Variants in FAM13A observed in about 807,000 individuals in gnomAD.
FAM13A encodes the protein family with sequence similarity 13 member A.
A neutral mutation model predicts 129.6 loss-of-function variants in FAM13A; 76 were observed. The observed-to-expected ratio is 0.59, with a 90% CI of 0.49 to 0.71. The LOEUF is 0.71. FAM13A is among the 30% of genes least tolerant of loss of function. The pLI is 0.00. For missense variants in FAM13A, 1,108 were observed against 1,249.3 expected (o/e 0.89, Z 1.70); for synonymous variants, 443 against 449.9 (o/e 0.98, Z 0.20).
chr4:88,977,312 T>C (rs887159583), intron 4 of FAM13A, among the ~76,000 whole-genome samples: 3 of 152,126 alleles, frequency 2.0e-5, no homozygotes, highest in African/African-American at 7.2e-5. Flanking sequence ...AGGTAGCACA[T>C]ACAGAGTGGA....
rs1163460351 is a variant in FAM13A, at chr4:88,749,758, A to AG, written c.2079+12dup. 1.9e-6 allele frequency: 3 copies of AG among 1,613,492 alleles called. No individual in the cohort carries two copies. Among genetic ancestry groups the AG allele is most frequent in the African/African-American group, 1.3e-5 (1 of 74,934 alleles). ...AGGATGAGGCGAAAAGAACAGTGTG[A>AG]GGGGACACTTACTCTGTACTTCTTC... On this transcript the variant is annotated intron_variant, in intron 16 of 23. Transcript: ENST00000264344.
chr4:89,027,227 AGCC>A (rs1768082575), intron 2 of FAM13A, among the ~76,000 whole-genome samples: 2 of 152,244 alleles, frequency 1.3e-5, no homozygotes. Context: ...AACAGAATAG[AGCC>A]AGGTGCAATG....
intron 14 of FAM13A, among the ~76,000 whole-genome samples, chr4:88,756,531 AAG>A (rs1491046683): frequency 1.3e-5 from 2 of 152,166 alleles, no homozygotes; most frequent in Admixed American, 6.5e-5. Context: ...CAAACCAAAA[AAG>A]AGGGGATGGT....
intron 5 of FAM13A, among the ~76,000 whole-genome samples, chr4:88,919,897 T>A (rs1750738361): frequency 6.6e-6 from 1 of 152,226 alleles, no homozygotes; most frequent in African/African-American, 2.4e-5. Context: ...GGAGATTATA[T>A]CGCGCACATG....
chr4:88,859,116 T>C (rs1739050699), intron 6 of FAM13A, among the ~76,000 whole-genome samples: 1 of 152,214 alleles, frequency 6.6e-6, no homozygotes, highest in Non-Finnish European at 1.5e-5. Flanking sequence ...GGAGAGCTTG[T>C]ATAATTCTTT....
At position 88,750,566 on chromosome 4, in the gene FAM13A, C is replaced by G. The variant is rs1311239522; in HGVS notation, c.1798G>C (p.Ala600Pro). Reference protein sequence around the residue: ...DSDEAHLSPQAGRLIRQLLDE... With the variant: ...DSDEAHLSPQPGRLIRQLLDE... ...AGCAGCTGACGGATCAGGCGCCCAG[C>G]CTGCGGCGAGAGGTGGGCTTCATCA... The change falls in exon 15 of 24, where the codon GCT becomes CCT. Residue 600 changes from alanine (A) to proline (P), a missense_variant. Ala to Pro is a conservative substitution (Grantham distance 27). Coordinates refer to ENST00000264344, the MANE Select transcript of FAM13A (RefSeq NM_014883.4). The G allele has an allele frequency of 6.2e-7, 1 of 1,614,040 alleles. No individual in the cohort carries two copies. Among genetic ancestry groups the G allele is most frequent in the African/African-American group, 1.3e-5 (1 of 74,930 alleles).
chr4:88,915,388 TA>T (rs2148688263), intron 5 of FAM13A, among the ~76,000 whole-genome samples: 1 of 152,324 alleles, frequency 6.6e-6, no homozygotes, highest in South Asian at 2.1e-4. Context: ...AAAAACTCTG[TA>T]ATTTTCTGGC....
intron 3 of FAM13A, among the ~76,000 whole-genome samples, chr4:89,013,455 C>T (rs960529460): frequency 4.0e-5 from 6 of 151,408 alleles, no homozygotes; most frequent in Admixed American, 4.0e-4. Context: ...TACATTATTC[C>T]CTCTATTTGG....
intron 9 of FAM13A, among the ~76,000 whole-genome samples, chr4:88,789,464 C>G (rs1255080962): frequency 6.6e-6 from 1 of 152,112 alleles, no homozygotes; most frequent in African/African-American, 2.4e-5. Context: ...TGATCCTTGC[C>G]AAGAGAAGAT....
At chr4:88,938,706 G>A (rs552026247) in intron 4 of FAM13A, among the ~76,000 whole-genome samples, 16 of 152,296 alleles carry the variant, frequency 1.1e-4, no homozygotes, top group African/African-American at 3.1e-4. Context: ...GTTGAGCTAA[G>A]TGATGAGCGC....
chr4:89,012,109 A>G (rs1765813302), intron 3 of FAM13A, among the ~76,000 whole-genome samples: 2 of 152,244 alleles, frequency 1.3e-5, no homozygotes. Context: ...CACAGGAAAC[A>G]GTCAATTAAA....
At chr4:89,039,659 G>C (rs184493643) in intron 1 of FAM13A, among the ~76,000 whole-genome samples, 1 of 152,104 alleles carries the variant, frequency 6.6e-6, no homozygotes, top group African/African-American at 2.4e-5. Flanking sequence ...CACTTTGGGA[G>C]GCCGAGGCAG....
intron 4 of FAM13A, among the ~76,000 whole-genome samples, chr4:88,946,527 T>C (rs1189869682): frequency 6.6e-6 from 1 of 150,976 alleles, no homozygotes; most frequent in Non-Finnish European, 1.5e-5. Context: ...AGAATTACTA[T>C]CTACTTATTT....
chr4:88,846,196 G>A (rs1171411021), intron 7 of FAM13A, among the ~76,000 whole-genome samples: 1 of 152,126 alleles, frequency 6.6e-6, no homozygotes, highest in Admixed American at 6.6e-5. Flanking sequence ...AATTTTCCTA[G>A]AATCACAGAG....
At chr4:88,862,316 T>C (rs1739622408) in intron 6 of FAM13A, among the ~76,000 whole-genome samples, 1 of 151,628 alleles carries the variant, frequency 6.6e-6, no homozygotes, top group Non-Finnish European at 1.5e-5. Flanking sequence ...CAGAGAGAGG[T>C]GAGGAGGGAA....
At chr4:88,969,718 C>G (rs991437609) in intron 4 of FAM13A, among the ~76,000 whole-genome samples, 1 of 152,100 alleles carries the variant, frequency 6.6e-6, no homozygotes, top group African/African-American at 2.4e-5. Context: ...TCATTTAATC[C>G]TCCAGTCTTT....
chr4:88,852,370 C>T (rs1737725418), intron 6 of FAM13A, among the ~76,000 whole-genome samples: 1 of 152,106 alleles, frequency 6.6e-6, no homozygotes, highest in African/African-American at 2.4e-5. Context: ...CCATGTTGGC[C>T]TGGCCAGTCT....
At chr4:88,808,686 T>G (rs1296184093) in intron 7 of FAM13A, among the ~76,000 whole-genome samples, 1 of 152,112 alleles carries the variant, frequency 6.6e-6, no homozygotes, top group African/African-American at 2.4e-5. Context: ...ATTTCCTCCT[T>G]GGTTACCAGT....
intron 6 of FAM13A, among the ~76,000 whole-genome samples, chr4:88,899,074 G>T (rs578193494): frequency 6.6e-6 from 1 of 151,288 alleles, no homozygotes; most frequent in Non-Finnish European, 1.5e-5. Flanking sequence ...GTGTGTGTCT[G>T]TGTGTATGTG....
Sources: gnomAD v4.1 joint callset for allele counts (sites outside exome capture counted in the v4.1 genomes callset) on GRCh38, gnomAD v4.1.1 for gene constraint, MANE v1.5 for transcripts, NCBI Gene and HGNC (gene_info 2026-07-23, HGNC 2026-07-21) for gene names.